Variants in SEMA5A observed in about 807,000 individuals in gnomAD.
The protein encoded by SEMA5A is semaphorin 5A, also known as semaphorin-5A.
A neutral mutation model predicts 135.5 loss-of-function variants in SEMA5A; 55 were observed. The observed-to-expected ratio is 0.41, with a 90% confidence interval of 0.33 to 0.51. The LOEUF (loss-of-function observed/expected upper bound fraction) is 0.51. Among genes scored for constraint, SEMA5A ranks in the 20% least tolerant of loss-of-function variants. SEMA5A has a pLI of 0.37. For missense variants in SEMA5A, 1,290 were observed against 1,419.9 expected (o/e 0.91, Z 1.47); for synonymous variants, 580 against 546.5 (o/e 1.06, Z -0.85).
rs928501664 is a variant in SEMA5A, at chr5:9,341,227, T to C, written c.125-3415A>G. ...ACATACACACACACACACACACACATACACTATATTTCATAGGGAATAGGG... is the reference window on the plus strand; with the variant it reads ...ACATACACACACACACACACACACACACACTATATTTCATAGGGAATAGGG... On this transcript the variant is annotated intron_variant, in intron 3 of 22. Coordinates refer to ENST00000382496, the MANE Select transcript of SEMA5A (RefSeq NM_003966.3). 9.5e-3 allele frequency among the ~76,000 whole-genome samples: 1,352 copies of C among 141,704 alleles called. 19 individuals carry two copies. The highest frequency in any genetic ancestry group is 0.033 in the African/African-American group (1,261 of 38,314). The allele number at this position is 141,704 out of a possible 152,430, so 93.0% of individuals were successfully genotyped here.
intron 4 of SEMA5A, among the ~76,000 whole-genome samples, chr5:9,330,438 T>TTTTTG (rs1225540101): frequency 6.6e-6 from 1 of 151,132 alleles, no homozygotes; most frequent in African/African-American, 2.4e-5. Context: ...TTTGTTTTTG[T>TTTTTG]TTTTGTTTTG....
At chr5:9,379,590 A>G (rs528231835) in intron 3 of SEMA5A, among the ~76,000 whole-genome samples, 5 of 152,258 alleles carry the variant, frequency 3.3e-5, no homozygotes, top group African/African-American at 1.2e-4. Flanking sequence ...AAATAATGAG[A>G]TTTTTTTACC....
intron 2 of SEMA5A, among the ~76,000 whole-genome samples, chr5:9,428,112 A>G (rs1757727560): frequency 7.9e-6 from 1 of 126,098 alleles, no homozygotes; most frequent in Non-Finnish European, 1.7e-5. Context: ...ATATATATAT[A>G]TATATTCAAC....
chr5:9,067,789 T>G (rs1316879384), intron 16 of SEMA5A, among the ~76,000 whole-genome samples: 1 of 152,166 alleles, frequency 6.6e-6, no homozygotes, highest in African/African-American at 2.4e-5. Flanking sequence ...CTCTTATCTT[T>G]TGGATGTAAA....
intron 11 of SEMA5A, among the ~76,000 whole-genome samples, chr5:9,170,849 C>T (rs1743880169): frequency 6.6e-6 from 1 of 152,200 alleles, no homozygotes; most frequent in African/African-American, 2.4e-5. Context: ...GAGACCCTTT[C>T]ATTCACCAAC....
chr5:9,412,096 A>C (rs548277194), intron 2 of SEMA5A, among the ~76,000 whole-genome samples: 16 of 152,340 alleles, frequency 1.1e-4, no homozygotes, highest in African/African-American at 3.8e-4. Flanking sequence ...TGTGACTGTC[A>C]GGACTAGGGC....
chr5:9,523,531 T>A (rs1736953178), intron 1 of SEMA5A, among the ~76,000 whole-genome samples: 1 of 152,212 alleles, frequency 6.6e-6, no homozygotes, highest in African/African-American at 2.4e-5. Flanking sequence ...TGTCTCTCAA[T>A]TGCCATACAA....
intron 18 of SEMA5A, among the ~76,000 whole-genome samples, chr5:9,062,311 C>G (rs1250744737): frequency 6.6e-6 from 1 of 152,114 alleles, no homozygotes; most frequent in Non-Finnish European, 1.5e-5. Flanking sequence ...GCATGCTTGT[C>G]TGAAAGGAGG....
intron 12 of SEMA5A, among the ~76,000 whole-genome samples, chr5:9,144,634 C>T (rs912666733): frequency 3.9e-5 from 6 of 152,218 alleles, no homozygotes; most frequent in Admixed American, 2.0e-4. Flanking sequence ...GCACCTGGCT[C>T]TCTTCACACT....
chr5:9,480,229 G>A (rs145357722), intron 1 of SEMA5A, among the ~76,000 whole-genome samples: 245 of 152,202 alleles, frequency 1.6e-3, no homozygotes, highest in African/African-American at 5.5e-3. Flanking sequence ...AAAACCAATG[G>A]TTCAGACTAT....
At chr5:9,345,941 G>A (rs1181309864) in intron 3 of SEMA5A, among the ~76,000 whole-genome samples, 1 of 152,114 alleles carries the variant, frequency 6.6e-6, no homozygotes, top group African/African-American at 2.4e-5. Context: ...GGGAGAGAAG[G>A]CAGAGAGATT....
intron 4 of SEMA5A, among the ~76,000 whole-genome samples, chr5:9,319,939 A>G (rs1336716841): frequency 2.6e-5 from 4 of 152,060 alleles, no homozygotes; most frequent in African/African-American, 7.2e-5. Flanking sequence ...AAACATCCCT[A>G]TGAGTTATGG....
intron 13 of SEMA5A, among the ~76,000 whole-genome samples, chr5:9,123,116 T>C (rs897617576): frequency 2.0e-5 from 3 of 151,060 alleles, no homozygotes; most frequent in African/African-American, 7.3e-5. Flanking sequence ...TAGCCTGGCA[T>C]GGTGGCGGGT....
intron 10 of SEMA5A, among the ~76,000 whole-genome samples, chr5:9,191,594 G>A (rs79107387): frequency 1.5e-3 from 230 of 151,250 alleles, no homozygotes; most frequent in Non-Finnish European, 2.7e-3. Flanking sequence ...GGTGAGAGGT[G>A]CAAACGTATA....
At chr5:9,373,582 C>A (rs563959252) in intron 3 of SEMA5A, among the ~76,000 whole-genome samples, 1 of 152,240 alleles carries the variant, frequency 6.6e-6, no homozygotes, top group Admixed American at 6.5e-5. Context: ...ATCAATAAAC[C>A]CATAAGTAGG....
intron 13 of SEMA5A, among the ~76,000 whole-genome samples, chr5:9,126,511 C>T (rs980343875): frequency 1.3e-5 from 2 of 151,614 alleles, no homozygotes; most frequent in Non-Finnish European, 2.9e-5. Context: ...TCATCTTGCC[C>T]TCCACTCAGA....
intron 2 of SEMA5A, among the ~76,000 whole-genome samples, chr5:9,384,791 C>T (rs1433167174): frequency 6.6e-6 from 1 of 152,068 alleles, no homozygotes; most frequent in Non-Finnish European, 1.5e-5. Flanking sequence ...TAACTTCCCT[C>T]TTTGGAAGTT....
intron 5 of SEMA5A, among the ~76,000 whole-genome samples, chr5:9,267,330 C>A (rs2150530282): frequency 6.6e-6 from 1 of 152,216 alleles, no homozygotes; most frequent in South Asian, 2.1e-4. Flanking sequence ...AAGCTGTTGC[C>A]CGATCCACTT....
intron 16 of SEMA5A, among the ~76,000 whole-genome samples, chr5:9,086,539 G>A (rs949016937): frequency 1.3e-5 from 2 of 152,144 alleles, no homozygotes; most frequent in Admixed American, 1.3e-4. Flanking sequence ...TGATTGTGAT[G>A]CCTCCCTAGC....
Sources: gnomAD v4.1 joint callset for allele counts (sites outside exome capture counted in the v4.1 genomes callset) on GRCh38, gnomAD v4.1.1 for gene constraint, MANE v1.5 for transcripts, NCBI Gene and HGNC (gene_info 2026-07-23, HGNC 2026-07-21) for gene names.